Variants in ADCY2 observed in about 807,000 individuals in gnomAD.
ADCY2 encodes adenylate cyclase type 2.
Under a neutral mutation model 125.2 loss-of-function variants are expected in ADCY2, and 31 were observed. The observed-to-expected ratio is 0.25, with a 90% CI of 0.19 to 0.33. The LOEUF (loss-of-function observed/expected upper bound fraction) is 0.33. Ranked by LOEUF, ADCY2 falls within the 10% of genes least tolerant of loss-of-function variation. ADCY2 has a pLI of 1.00. For missense variants in ADCY2, 904 were observed against 1,418.2 expected (o/e 0.64, Z 5.82); for synonymous variants, 512 against 548.4 (o/e 0.93, Z 0.93).
At chr5:7,594,105 TA>T (rs1736931610) in intron 3 of ADCY2, among the ~76,000 whole-genome samples, 3 of 152,008 alleles carry the variant, frequency 2.0e-5, no homozygotes, top group Admixed American at 2.0e-4. Context: ...GAATTATGAG[TA>T]AAAGAATGAC....
At chr5:7,459,286 C>T (rs1741822660) in intron 2 of ADCY2, among the ~76,000 whole-genome samples, 1 of 152,142 alleles carries the variant, frequency 6.6e-6, no homozygotes, top group Non-Finnish European at 1.5e-5. Flanking sequence ...GTGTTCTCTG[C>T]CCATTGAGGG....
intron 2 of ADCY2, 27 bp downstream of exon 2, chr5:7,414,797 T>G: frequency 6.4e-7 from 1 of 1,571,558 alleles, no homozygotes; most frequent in Non-Finnish European, 8.6e-7. Flanking sequence ...TTTTTTGTAC[T>G]TCTTTTATGT....
chr5:7,420,360 G>C (rs1740148328), intron 2 of ADCY2, among the ~76,000 whole-genome samples: 1 of 152,130 alleles, frequency 6.6e-6, no homozygotes, highest in Non-Finnish European at 1.5e-5. Context: ...TCAGGAAAGA[G>C]GAGTAATTTT....
intron 2 of ADCY2, among the ~76,000 whole-genome samples, chr5:7,432,783 G>A (rs1321102913): frequency 6.6e-6 from 1 of 152,122 alleles, no homozygotes; most frequent in Non-Finnish European, 1.5e-5. Flanking sequence ...TAGAGGGATG[G>A]GTACAATGGG....
intron 4 of ADCY2, among the ~76,000 whole-genome samples, chr5:7,638,797 G>A (rs1579264186): frequency 6.6e-6 from 1 of 152,140 alleles, no homozygotes; most frequent in East Asian, 1.9e-4. Flanking sequence ...GAAATCTTTG[G>A]CGGTGATACG....
chr5:7,450,220 C>T (rs1410199638), intron 2 of ADCY2, among the ~76,000 whole-genome samples: 1 of 152,182 alleles, frequency 6.6e-6, no homozygotes, highest in Non-Finnish European at 1.5e-5. Flanking sequence ...AGACCTCCTG[C>T]AGTAAACAGT....
intron 3 of ADCY2, among the ~76,000 whole-genome samples, chr5:7,525,707 T>C (rs1561074232): frequency 6.6e-6 from 1 of 152,108 alleles, no homozygotes; most frequent in Non-Finnish European, 1.5e-5. Context: ...TCATGACTTC[T>C]CAAGGACATT....
intron 2 of ADCY2, among the ~76,000 whole-genome samples, chr5:7,503,853 A>G (rs1743696154): frequency 6.6e-6 from 1 of 152,204 alleles, no homozygotes; most frequent in African/African-American, 2.4e-5. Flanking sequence ...ACATCATTTA[A>G]CCACTTTTTA....
intron 3 of ADCY2, among the ~76,000 whole-genome samples, chr5:7,625,867 G>A (rs141318216): frequency 6.6e-6 from 1 of 152,250 alleles, no homozygotes; most frequent in South Asian, 2.1e-4. Context: ...GATCTAGCTC[G>A]TGATTATTTC....
intron 2 of ADCY2, among the ~76,000 whole-genome samples, chr5:7,418,529 A>G (rs1740045632): frequency 6.6e-6 from 1 of 151,856 alleles, no homozygotes; most frequent in Admixed American, 6.6e-5. Flanking sequence ...CCCCTTGGAG[A>G]GACATCGAGT....
intron 3 of ADCY2, among the ~76,000 whole-genome samples, chr5:7,581,352 G>A (rs1198495923): frequency 6.6e-6 from 1 of 151,890 alleles, no homozygotes; most frequent in Admixed American, 6.6e-5. Flanking sequence ...TAGTAGAATT[G>A]GAATGAACAC....
chr5:7,600,983 A>G (rs1737182027), intron 3 of ADCY2, among the ~76,000 whole-genome samples: 1 of 152,150 alleles, frequency 6.6e-6, no homozygotes, highest in African/African-American at 2.4e-5. Context: ...TGGTGTTACA[A>G]ATTTTCAAGA....
At chr5:7,637,782 C>G (rs1284305563) in intron 4 of ADCY2, among the ~76,000 whole-genome samples, 1 of 152,114 alleles carries the variant, frequency 6.6e-6, no homozygotes, top group Non-Finnish European at 1.5e-5. Flanking sequence ...ACCAACTGAT[C>G]CTCTAGGCAA....
chr5:7,620,493 C>A (rs911036194), intron 3 of ADCY2, among the ~76,000 whole-genome samples: 1 of 152,196 alleles, frequency 6.6e-6, no homozygotes, highest in African/African-American at 2.4e-5. Context: ...TTAACCAAAG[C>A]ACAGTGTTCC....
chr5:7,744,184 A>C (rs186561106), intron 15 of ADCY2, among the ~76,000 whole-genome samples: 2 of 152,244 alleles, frequency 1.3e-5, no homozygotes, highest in Admixed American at 1.3e-4. Context: ...GGACACATGG[A>C]CACAGGGAGG....
chr5:7,610,723 G>A (rs1454758276), intron 3 of ADCY2, among the ~76,000 whole-genome samples: 2 of 152,186 alleles, frequency 1.3e-5, no homozygotes, highest in Non-Finnish European at 2.9e-5. Flanking sequence ...AAGCAGTCAG[G>A]AGTGAGTTAG....
intron 3 of ADCY2, among the ~76,000 whole-genome samples, chr5:7,562,578 C>G (rs1735738314): frequency 6.6e-6 from 1 of 152,098 alleles, no homozygotes; most frequent in Non-Finnish European, 1.5e-5. Flanking sequence ...CAAGTAATTT[C>G]TTTGAATCAT....
At chr5:7,416,094 C>G (rs1739933973) in intron 2 of ADCY2, among the ~76,000 whole-genome samples, 2 of 152,108 alleles carry the variant, frequency 1.3e-5, no homozygotes, top group Non-Finnish European at 2.9e-5. Flanking sequence ...GGCTCAAAAG[C>G]CATGTCAAGG....
chr5:7,575,089 G>A (rs1289669664), intron 3 of ADCY2, among the ~76,000 whole-genome samples: 1 of 152,144 alleles, frequency 6.6e-6, no homozygotes, highest in African/African-American at 2.4e-5. Context: ...ACTTTGGGAG[G>A]CTGAGGCCGA....
Sources: gnomAD v4.1 joint callset for allele counts (sites outside exome capture counted in the v4.1 genomes callset) on GRCh38, gnomAD v4.1.1 for gene constraint, MANE v1.5 for transcripts, NCBI Gene and HGNC (gene_info 2026-07-23, HGNC 2026-07-21) for gene names.